NDE1: variants seen among roughly 807,000 people sequenced by gnomAD.
The protein encoded by NDE1 is nudE neurodevelopment protein 1.
Under a neutral mutation model 43.4 loss-of-function variants are expected in NDE1, and 28 were observed. That is an observed-to-expected ratio of 0.65 (90% CI 0.48 to 0.89). The LOEUF (loss-of-function observed/expected upper bound fraction) is 0.89, where lower values mean the gene tolerates loss of function less well. NDE1 is among the 40% of genes least tolerant of loss of function. The probability of loss-of-function intolerance (pLI) is 0.00; values close to 1 mark genes in which losing one functional copy is unlikely to be tolerated. For synonymous variants in NDE1, 184 were observed against 172.0 expected (o/e 1.07, Z -0.55); for missense variants, 441 against 434.1 (o/e 1.02, Z -0.14).
intron 1 of NDE1, among the ~76,000 whole-genome samples, chr16:15,663,571 T>C (rs1276989725): frequency 1.3e-5 from 2 of 152,176 alleles, no homozygotes; most frequent in Non-Finnish European, 2.9e-5. Flanking sequence ...GCTCCTCATG[T>C]GTCGCCTCTT....
intron 1 of NDE1, among the ~76,000 whole-genome samples, chr16:15,655,750 C>A (rs1426907357): frequency 1.3e-5 from 2 of 152,044 alleles, no homozygotes; most frequent in East Asian, 3.9e-4. Context: ...CAATGATAGA[C>A]TGGATTAAGA....
chr16:15,664,711 A>G (rs2151435793), intron 1 of NDE1, 25 bp from the exon 2 acceptor site: 2 of 1,249,710 alleles, frequency 1.6e-6, no homozygotes, highest in Middle Eastern at 1.9e-4. Context: ...GATGTGGGTA[A>G]TCATTTTGAA....
At chr16:15,645,371 C>G (rs1038038509), upstream of NDE1, among the ~76,000 whole-genome samples, 1 of 152,042 alleles carries the variant, frequency 6.6e-6, no homozygotes, top group African/African-American at 2.4e-5. Flanking sequence ...TGACTCATGT[C>G]GTAATCCCAG....
At chr16:15,682,196 T>C (rs1015361578) in intron 4 of NDE1, among the ~76,000 whole-genome samples, 5 of 152,180 alleles carry the variant, frequency 3.3e-5, no homozygotes, top group Non-Finnish European at 5.9e-5. Context: ...CAAAGTTTTA[T>C]GTATTTATGT....
intron 4 of NDE1, among the ~76,000 whole-genome samples, chr16:15,679,329 T>C (rs965435621): frequency 6.6e-6 from 1 of 152,146 alleles, no homozygotes; most frequent in South Asian, 2.1e-4. Flanking sequence ...CTCATTCTTT[T>C]TCTCCTGTCC....
chr16:15,664,859 G>T lies in NDE1; in HGVS notation c.81G>T (p.Gln27His), dbSNP rs766063294. ...YWKDLAMTYKQRAENTQEELR... is the reference protein window; with the variant it reads ...YWKDLAMTYKHRAENTQEELR... ...AAGATCTGGCGATGACCTACAAACA[G>T]AGGTCAGTCCGAGTTCACCTGCTTT... Residue 27 changes from glutamine (Q) to histidine (H), a missense_variant and splice_region_variant, in exon 2 of 9, where the codon CAG becomes CAT. By Grantham distance (24) the Gln-to-His change is conservative. Transcript: ENST00000396354. 6.2e-7 allele frequency: 1 copy of T among 1,604,610 alleles called. No individual in the cohort carries two copies. Among genetic ancestry groups the T allele is most frequent in the South Asian group, 1.1e-5 (1 of 90,834 alleles).
Position 15,708,795 on chromosome 16 carries a change from C to T in NDE1, c.947+11935C>T, listed in dbSNP as rs369832024. The T allele has an allele frequency of 2.2e-5, 36 of 1,606,384 alleles. No individual in the cohort carries two copies. The Admixed American group carries it at 4.6e-4, about 21-fold the overall frequency. The stretch of plus-strand genomic sequence containing the variant: ...CAACACACAGCTGCGAAGCTGAAGG[C>T]ATGATACCTGGTGCATCACTGCGAA... On this transcript the variant is annotated intron_variant, in intron 8 of 8. Coordinates refer to ENST00000396354, the MANE Select transcript of NDE1 (RefSeq NM_017668.3).
At chr16:15,664,054 G>C (rs781670387) in intron 1 of NDE1, among the ~76,000 whole-genome samples, 4 of 152,036 alleles carry the variant, frequency 2.6e-5, no homozygotes, top group African/African-American at 4.8e-5. Flanking sequence ...GGGTGATAGA[G>C]CAAGAGTCTG....
rs765002405 is a variant in NDE1, at chr16:15,687,294, C to T, written c.387-81C>T. ...GGACTTGTGCCCAGGTGTGTCTGAC[C>T]CTTCGCACCTCCTGGATCCGCGGTG... is the stretch of plus-strand genomic sequence containing the variant. On this transcript the variant is annotated intron_variant, in intron 4 of 8. Transcript: ENST00000396354. The T allele has an allele frequency of 2.2e-5, 35 of 1,608,466 alleles. No individual in the cohort carries two copies. The African/African-American group carries it at 3.9e-4, about 18-fold the overall frequency.
exon 1 of NDE1, chr16:15,643,523 G>A (rs1379513351): frequency 2.7e-6 from 1 of 369,404 alleles, no homozygotes; most frequent in Non-Finnish European, 5.3e-6. Context: ...GGCTTTGGAG[G>A]GAAGGCGATT....
At chr16:15,646,106 G>A (rs1175160575), upstream of NDE1, among the ~76,000 whole-genome samples, 1 of 152,162 alleles carries the variant, frequency 6.6e-6, no homozygotes, top group Admixed American at 6.5e-5. Flanking sequence ...TTATTTCAAT[G>A]CCCTCTCTTT....
At chr16:15,677,606 C>T (rs1039228720) in intron 3 of NDE1, among the ~76,000 whole-genome samples, 195 bp from the exon 4 acceptor site, 6 of 151,130 alleles carry the variant, frequency 4.0e-5, no homozygotes, top group South Asian at 2.1e-4. Flanking sequence ...AAAAAAAACA[C>T]GGAGTCTTGC....
chr16:15,685,904 T>G (rs1442766026), intron 4 of NDE1, among the ~76,000 whole-genome samples: 1 of 152,056 alleles, frequency 6.6e-6, no homozygotes, highest in Non-Finnish European at 1.5e-5. Context: ...GCTGAAAATT[T>G]ATAGATGTGT....
chr16:15,712,060 C>G (rs1036254898), intron 8 of NDE1, among the ~76,000 whole-genome samples: 4 of 152,008 alleles, frequency 2.6e-5, no homozygotes, highest in African/African-American at 9.7e-5. Flanking sequence ...TAAAGGAGAC[C>G]AAAACGTTAA....
chr16:15,714,995 G>C, intron 8 of NDE1: 1 of 1,614,024 alleles, frequency 6.2e-7, no homozygotes, highest in South Asian at 1.1e-5. Context: ...GCAGCTTCCT[G>C]CGGTTGGCGT....
intron 1 of NDE1, among the ~76,000 whole-genome samples, chr16:15,661,370 G>A (rs935812160): frequency 1.3e-5 from 2 of 152,106 alleles, no homozygotes; most frequent in East Asian, 1.9e-4. Context: ...GAATGGTCTT[G>A]ATCTCCTAAC....
At chr16:15,696,370 A>G (rs1163191764) in intron 7 of NDE1, among the ~76,000 whole-genome samples, 1 of 134,638 alleles carries the variant, frequency 7.4e-6, no homozygotes. Context: ...AGCGTCTAAA[A>G]AAGTAAAAAA....
At chr16:15,668,223 G>A (rs1487373432) in intron 3 of NDE1, among the ~76,000 whole-genome samples, 4 of 152,108 alleles carry the variant, frequency 2.6e-5, no homozygotes, top group Non-Finnish European at 4.4e-5. Context: ...TTAGCTGGGC[G>A]TGGTGGTACA....
rs139096254 is a variant in NDE1, at chr16:15,724,990, A to G, written c.*739A>G. On this transcript the variant is annotated 3_prime_UTR_variant, in exon 9 of 9. Coordinates refer to ENST00000396354, the MANE Select transcript of NDE1 (RefSeq NM_017668.3). ...GCATCCCTGTGACGCTCTCAACTTC[A>G]TTCTAAGGGTGCCAAGAGACTGGTT... 3 of 1,613,764 alleles carry G rather than the reference A, an allele frequency of 1.9e-6. No homozygotes were observed. The highest frequency in any genetic ancestry group is 2.5e-6 in the Non-Finnish European group (3 of 1,179,894).
Sources: allele counts gnomAD v4.1 joint callset (sites outside exome capture counted in the v4.1 genomes callset), GRCh38; gene constraint gnomAD v4.1.1; transcripts MANE v1.5; gene names NCBI Gene and HGNC (gene_info 2026-07-23, HGNC 2026-07-21).